The following ATP5MC2 variants were observed in gnomAD, a reference collection of about 807,000 sequenced individuals.
ATP5MC2 encodes ATP synthase F(0) complex subunit C2, mitochondrial.
In ATP5MC2, 11 loss-of-function variants were observed where a neutral mutation model predicts 13.5. The ratio of observed to expected loss-of-function variants is 0.81; its 90% confidence interval spans 0.51 to 1.35. The LOEUF (loss-of-function observed/expected upper bound fraction) is 1.35, where lower values mean the gene tolerates loss of function less well. Among genes scored for constraint, ATP5MC2 ranks in the 40% most tolerant of loss-of-function variants. ATP5MC2 has a pLI of 0.00. For missense variants in ATP5MC2, 132 were observed against 175.0 expected, an observed-to-expected ratio of 0.75 and a Z score of 1.39; for synonymous variants, 64 against 69.7, an observed-to-expected ratio of 0.92 and a Z score of 0.41.
At chr12:53,674,406 AGAT>A (rs1227742525) in intron 1 of ATP5MC2, among the ~76,000 whole-genome samples, 2 of 152,268 alleles carry the variant, frequency 1.3e-5, no homozygotes, top group Admixed American at 6.5e-5. Context: ...CAAGTTTCCC[AGAT>A]GATTATTAGG....
At chr12:53,669,362 G>A (rs896869269) in intron 3 of ATP5MC2, 21 bp from the exon 4 acceptor site, 8 of 1,602,870 alleles carry the variant, frequency 5.0e-6, no homozygotes, top group Non-Finnish European at 6.0e-6. Flanking sequence ...GAGGCAGGTA[G>A]AAGGTAAAGT....
At chr12:53,673,976 A>T (rs1186751669) in intron 1 of ATP5MC2, 1 of 153,928 alleles carries the variant, frequency 6.5e-6, no homozygotes, top group Non-Finnish European at 1.5e-5. Context: ...TGAGAAGCCC[A>T]TCTGAACTAG....
chr12:53,676,341 G>C, upstream of ATP5MC2: 1 of 1,232,790 alleles, frequency 8.1e-7, no homozygotes, highest in South Asian at 1.5e-5. Flanking sequence ...GGTTTGGTCT[G>C]TACCGCGTTT....
chr12:53,679,334 T>A (rs890720811), upstream of ATP5MC2, among the ~76,000 whole-genome samples: 11 of 149,976 alleles, frequency 7.3e-5, no homozygotes, highest in African/African-American at 2.7e-4. Flanking sequence ...AGAGGAAGGG[T>A]TTAAATGGTT....
At chr12:53,667,994 T>TATATATATATATAA (rs1219187071) in intron 4 of ATP5MC2, among the ~76,000 whole-genome samples, 2 of 88,230 alleles carry the variant, frequency 2.3e-5, no homozygotes, top group African/African-American at 9.0e-5. Flanking sequence ...TATATATATA[T>TATATATATATATAA]AAATTTTTTT....
upstream of ATP5MC2, chr12:53,676,092 CG>C (rs1945262483): frequency 3.7e-6 from 6 of 1,614,248 alleles, no homozygotes; most frequent in Non-Finnish European, 4.2e-6. Flanking sequence ...GGCGGAGCAG[CG>C]GGAAGAGCGA....
upstream of ATP5MC2, chr12:53,677,303 A>G (rs1945301676): frequency 6.6e-6 from 1 of 152,154 alleles, no homozygotes; most frequent in Admixed American, 6.5e-5. Context: ...AGGAGAGGCG[A>G]GCCGCAGACA....
upstream of ATP5MC2, among the ~76,000 whole-genome samples, chr12:53,680,243 C>A (rs1402835406): frequency 1.3e-5 from 2 of 152,202 alleles, no homozygotes; most frequent in Non-Finnish European, 2.9e-5. Flanking sequence ...ACCTCAGCCT[C>A]CCAAAGTGTT....
chr12:53,670,743 C>T (rs1333509324), intron 2 of ATP5MC2, among the ~76,000 whole-genome samples: 1 of 151,942 alleles, frequency 6.6e-6, no homozygotes, highest in East Asian at 1.9e-4. Flanking sequence ...CTGCCTCAGC[C>T]TCCCAAGTAG....
At chr12:53,670,078 C>CAT in intron 2 of ATP5MC2, 130 bp from the exon 3 acceptor site, 1 of 787,728 alleles carries the variant, frequency 1.3e-6, no homozygotes, top group Non-Finnish European at 2.2e-6. Context: ...TTCACATGTA[C>CAT]GTTAGAGTTT....
At chr12:53,679,199 G>A (rs1289662609), upstream of ATP5MC2, among the ~76,000 whole-genome samples, 1 of 149,424 alleles carries the variant, frequency 6.7e-6, no homozygotes, top group Non-Finnish European at 1.5e-5. Flanking sequence ...ATGCCACAAT[G>A]AGAAAGAGCC....
chr12:53,665,547 C>T, intron 4 of ATP5MC2, 119 bp from the exon 5 acceptor site: 1 of 861,304 alleles, frequency 1.2e-6, no homozygotes, highest in Non-Finnish European at 1.9e-6. Flanking sequence ...AATAAAGAAG[C>T]TTTTAGGGTA....
chr12:53,665,936 G>A (rs183998039), intron 4 of ATP5MC2, among the ~76,000 whole-genome samples: 70 of 152,256 alleles, frequency 4.6e-4, no homozygotes, highest in African/African-American at 1.6e-3. Context: ...ATGGAACACC[G>A]CTCTTCTAGA....
chr12:53,676,314 T>C (rs748611645), upstream of ATP5MC2: 1 of 1,449,458 alleles, frequency 6.9e-7, no homozygotes, highest in Non-Finnish European at 9.3e-7. Context: ...AGTAAGCCGA[T>C]CCGTAACGTG....
At chr12:53,667,730 C>T (rs1489886838) in intron 4 of ATP5MC2, among the ~76,000 whole-genome samples, 1 of 151,664 alleles carries the variant, frequency 6.6e-6, no homozygotes, top group Non-Finnish European at 1.5e-5. Context: ...CTCCTGACCT[C>T]GTGATCCGCC....
chr12:53,672,582 G>T lies in ATP5MC2; in HGVS notation c.33C>A (p.Pro11=). The T allele has an allele frequency of 6.3e-7, 1 of 1,579,048 alleles. No homozygotes were observed. The change falls in exon 2 of 5, where the codon CCC becomes CCA. Residue 11 remains proline (P), a synonymous_variant. Transcript: ENST00000394349. MFACSKFVST[P]SLVKSTSQLL... ...CAGAAAAGCAGGTACTCACCAAGGA[G>T]GGAGTGGAGACAAACTTGGAGCAGG... is the stretch of plus-strand genomic sequence containing the variant.
At chr12:53,676,218 G>C (rs1945269834), upstream of ATP5MC2, 3 of 1,602,472 alleles carry the variant, frequency 1.9e-6, no homozygotes, top group African/African-American at 1.3e-5. Flanking sequence ...CAGGGCTGTG[G>C]CGGTATCCGG....
intron 4 of ATP5MC2, among the ~76,000 whole-genome samples, chr12:53,667,236 G>C (rs1944940546): frequency 6.6e-6 from 1 of 152,170 alleles, no homozygotes; most frequent in South Asian, 2.1e-4. Flanking sequence ...TTTTAACTGA[G>C]TTATCCAGAG....
chr12:53,678,487 A>G (rs1945320912), upstream of ATP5MC2, among the ~76,000 whole-genome samples: 2 of 152,232 alleles, frequency 1.3e-5, no homozygotes, highest in Admixed American at 1.3e-4. Flanking sequence ...ATCTCCTGAA[A>G]GAGACTCAAC....
Sources: allele counts gnomAD v4.1 joint callset (sites outside exome capture counted in the v4.1 genomes callset), GRCh38; gene constraint gnomAD v4.1.1; transcripts MANE v1.5; gene names NCBI Gene and HGNC (gene_info 2026-07-23, HGNC 2026-07-21).